The following PPP6R3 variants were observed in gnomAD, a reference collection of about 807,000 sequenced individuals.
The protein encoded by PPP6R3 is protein phosphatase 6 regulatory subunit 3, also known as serine/threonine-protein phosphatase 6 regulatory subunit 3.
PPP6R3 carries 38 observed loss-of-function variants against 110.7 expected under a neutral mutation model. The observed-to-expected ratio is 0.34, with a 90% CI of 0.26 to 0.45. PPP6R3 has a LOEUF of 0.45. PPP6R3 is among the 20% of genes least tolerant of loss of function. The pLI is 1.00. For synonymous variants in PPP6R3, 369 were observed against 373.5 expected, an observed-to-expected ratio of 0.99 and a Z score of 0.14; for missense variants, 870 against 1,062.4, an observed-to-expected ratio of 0.82 and a Z score of 2.52.
intron 1 of PPP6R3, among the ~76,000 whole-genome samples, chr11:68,490,499 C>T (rs571410572): frequency 6.6e-6 from 1 of 152,048 alleles, no homozygotes; most frequent in East Asian, 1.9e-4. Flanking sequence ...GGTTTGGTGC[C>T]TGACAACAAT....
intron 3 of PPP6R3, among the ~76,000 whole-genome samples, chr11:68,542,258 A>C (rs919250154): frequency 4.0e-5 from 6 of 151,730 alleles, no homozygotes; most frequent in Non-Finnish European, 7.4e-5. Context: ...TGGGGATGTG[A>C]TAGGGCTGGG....
At chr11:68,557,176 A>G (rs755401262) in intron 7 of PPP6R3, among the ~76,000 whole-genome samples, 12 of 152,248 alleles carry the variant, frequency 7.9e-5, no homozygotes, top group Non-Finnish European at 1.8e-4. Context: ...CAGACCTAAT[A>G]GTTAGTGTAT....
At position 68,614,890 on chromosome 11, in the gene PPP6R3, G is replaced by C. The variant is rs1176307187; in HGVS notation, c.*1773G>C. ...GATTACTGGTAGATAATATGCTCTG[G>C]TCTCGCCTGGTGGTGAGTTTTGCCA... On this transcript the variant is annotated 3_prime_UTR_variant, in exon 24 of 24. Coordinates refer to ENST00000393800, the MANE Select transcript of PPP6R3 (RefSeq NM_001164161.2). 3.6e-6 allele frequency: 3 copies of C among 844,688 alleles called. No homozygotes were observed. Among genetic ancestry groups the C allele is most frequent in the Admixed American group, 4.1e-5 (2 of 49,032 alleles). The allele number at this position is 844,688 out of a possible 1,614,324, so 52.3% of individuals were successfully genotyped here.
At chr11:68,593,230 T>C (rs1355179521) in intron 18 of PPP6R3, among the ~76,000 whole-genome samples, 1 of 152,204 alleles carries the variant, frequency 6.6e-6, no homozygotes, top group Non-Finnish European at 1.5e-5. Flanking sequence ...TTTTGTTCTA[T>C]TAGTTTGCAT....
intron 8 of PPP6R3, among the ~76,000 whole-genome samples, chr11:68,563,104 GAAAA>G (rs58840169): frequency 3.2e-4 from 40 of 124,238 alleles, no homozygotes; most frequent in African/African-American, 1.2e-3. Flanking sequence ...CATCTCTACC[GAAAA>G]AAAAAAAAAA....
Position 68,564,436 on chromosome 11 carries a change from G to A in PPP6R3, c.975+4G>A. 1 of 1,613,722 alleles carries A rather than the reference G, an allele frequency of 6.2e-7. No individual in the cohort carries two copies. The highest frequency in any genetic ancestry group is 8.5e-7 in the Non-Finnish European group (1 of 1,179,770). On this transcript the variant is annotated splice_donor_region_variant and intron_variant, in intron 9 of 23. Transcript: ENST00000393800. ...ACTCCTGCTGGAGCCACCCAAGGTA[G>A]GGGAGCTATGTTAAGCATGGCTGCC...
intron 1 of PPP6R3, among the ~76,000 whole-genome samples, chr11:68,491,350 GTGTGTGTGTGTGTGT>G (rs2098982809): frequency 2.0e-5 from 3 of 150,198 alleles, no homozygotes; most frequent in African/African-American, 7.3e-5. Context: ...GTGTGTGTGT[GTGTGTGTGTGTGTGT>G]GTGTGTGTGT....
At chr11:68,479,929 G>A (rs2098891796) in intron 1 of PPP6R3, among the ~76,000 whole-genome samples, 1 of 151,680 alleles carries the variant, frequency 6.6e-6, no homozygotes, top group Admixed American at 6.6e-5. Flanking sequence ...TTATGAACAG[G>A]GTTTTGCTAT....
rs763073987 is a variant in PPP6R3 at position 68,579,656 on chromosome 11, A to C, written c.1546-3387A>C. Among the ~76,000 whole-genome samples, 8 of 152,374 alleles carry C rather than the reference A, an allele frequency of 5.3e-5. No individual in the cohort carries two copies. The South Asian group carries it at 1.2e-3, about 24-fold the overall frequency. ...AAATGAGTAAGAGACACGTGTGCACACACAATATGTGTAATATACAGTCAT... is the reference window on the plus strand; with the variant it reads ...AAATGAGTAAGAGACACGTGTGCACCCACAATATGTGTAATATACAGTCAT... On this transcript the variant is annotated intron_variant, in intron 14 of 23. Coordinates refer to ENST00000393800, the MANE Select transcript of PPP6R3 (RefSeq NM_001164161.2).
intron 3 of PPP6R3, among the ~76,000 whole-genome samples, chr11:68,544,451 A>G (rs1322420486): frequency 6.6e-6 from 1 of 152,202 alleles, no homozygotes; most frequent in Non-Finnish European, 1.5e-5. Flanking sequence ...TGTCCTCCAC[A>G]GTTGTCCGCA....
At chr11:68,535,820 A>C (rs2099267396) in intron 2 of PPP6R3, among the ~76,000 whole-genome samples, 1 of 151,092 alleles carries the variant, frequency 6.6e-6, no homozygotes, top group African/African-American at 2.4e-5. Context: ...AAAAAAAAAA[A>C]AATCAGCCGG....
chr11:68,471,808 G>T (rs1392783065), intron 1 of PPP6R3, among the ~76,000 whole-genome samples: 1 of 152,164 alleles, frequency 6.6e-6, no homozygotes, highest in Non-Finnish European at 1.5e-5. Flanking sequence ...GCAGCAGGAA[G>T]TGGGTGGGTG....
In PPP6R3 at chr11:68,584,925, G is replaced by A. The variant is rs543900092; in HGVS notation, c.1632+1796G>A. Among the ~76,000 whole-genome samples, 8 of 152,042 alleles carry A rather than the reference G, an allele frequency of 5.3e-5. No homozygotes were observed. The South Asian group carries it at 1.5e-3, about 28-fold the overall frequency. On this transcript the variant is annotated intron_variant, in intron 15 of 23. Transcript: ENST00000393800. Reference sequence around the variant, plus strand: ...ACTCCAAAGCACTTCTTAAAATTTTGAGAATGCAAAAAAGGTCTTGGTTAA... The same window carrying A: ...ACTCCAAAGCACTTCTTAAAATTTTAAGAATGCAAAAAAGGTCTTGGTTAA...
intron 1 of PPP6R3, among the ~76,000 whole-genome samples, chr11:68,511,463 A>AGTGTGTGTGTGTGTGTGTGTGTATGTGT (rs2099109141): frequency 8.7e-5 from 12 of 138,604 alleles, no homozygotes; most frequent in Admixed American, 5.9e-4. Flanking sequence ...ACTGTGTTAG[A>AGTGTGTGTGTGTGTGTGTGTGTATGTGT]GTGTGTGTGT....
chr11:68,492,748 C>T (rs973052306), intron 1 of PPP6R3, among the ~76,000 whole-genome samples: 1 of 152,216 alleles, frequency 6.6e-6, no homozygotes, highest in Non-Finnish European at 1.5e-5. Context: ...GAGGGTTCCA[C>T]TTTGCCCACA....
At chr11:68,610,831 G>A (rs12799412) in intron 23 of PPP6R3, among the ~76,000 whole-genome samples, 1 of 152,060 alleles carries the variant, frequency 6.6e-6, no homozygotes, top group Non-Finnish European at 1.5e-5. Context: ...TTTCAGAGAA[G>A]TTTTAACCCC....
At chr11:68,465,531 G>A (rs1390261561) in intron 1 of PPP6R3, among the ~76,000 whole-genome samples, 2 of 152,224 alleles carry the variant, frequency 1.3e-5, no homozygotes, top group Non-Finnish European at 2.9e-5. Context: ...AGGTCATGGA[G>A]GCATTTTCTT....
chr11:68,463,385 C>CTTTGCACCTA (rs1458345835), intron 1 of PPP6R3, among the ~76,000 whole-genome samples: 2 of 115,068 alleles, frequency 1.7e-5, no homozygotes, highest in Non-Finnish European at 3.9e-5. Context: ...AAAGATAGGG[C>CTTTGCACCTA]TTTGCACCTA....
At chr11:68,501,526 C>T (rs2099048914) in intron 1 of PPP6R3, among the ~76,000 whole-genome samples, 1 of 152,174 alleles carries the variant, frequency 6.6e-6, no homozygotes, top group South Asian at 2.1e-4. Flanking sequence ...GGGGTTTCAC[C>T]ATGTTGGCCA....
Sources: allele counts gnomAD v4.1 joint callset (sites outside exome capture counted in the v4.1 genomes callset), GRCh38; gene constraint gnomAD v4.1.1; transcripts MANE v1.5; gene names NCBI Gene and HGNC (gene_info 2026-07-23, HGNC 2026-07-21).